Variants in FXYD6 observed in about 807,000 individuals in gnomAD.
FXYD6 encodes the protein FXYD domain containing ion transport regulator 6, also known as FXYD domain-containing ion transport regulator 6.
In FXYD6, 7 loss-of-function variants were observed where a neutral mutation model predicts 16.7. That is an observed-to-expected ratio of 0.42 (90% CI 0.24 to 0.79). The LOEUF is 0.79. FXYD6 is among the 30% of genes least tolerant of loss of function. The pLI, the probability that FXYD6 is intolerant of heterozygous loss-of-function variation, is 0.28. For missense variants in FXYD6, 111 were observed against 116.2 expected (o/e 0.95, Z 0.21); for synonymous variants, 49 against 43.0 (o/e 1.14, Z -0.54).
At chr11:117,839,524 G>A (rs2056285901) in intron 7 of FXYD6, 4 of 477,604 alleles carry the variant, frequency 8.4e-6, no homozygotes, top group Non-Finnish European at 1.5e-5. Context: ...GACGCCCTAT[G>A]CACTCGGCCA....
At chr11:117,838,575 A>G (rs1042184566) in intron 7 of FXYD6, 17 of 327,932 alleles carry the variant, frequency 5.2e-5, no homozygotes, top group African/African-American at 1.1e-4. Flanking sequence ...CTAGTTTGGG[A>G]AAAAAAAAAT....
At chr11:117,840,500 A>G in intron 5 of FXYD6, 132 bp from the exon 6 acceptor site, 1 of 1,241,778 alleles carries the variant, frequency 8.1e-7, no homozygotes, top group Non-Finnish European at 1.1e-6. Context: ...GCTGGAGCTC[A>G]CTCTGCTGTG....
intron 1 of FXYD6, among the ~76,000 whole-genome samples, chr11:117,847,362 TTTTTA>T (rs1286557928): frequency 6.6e-6 from 1 of 152,178 alleles, no homozygotes; most frequent in South Asian, 2.1e-4. Context: ...AAAATTATAG[TTTTTA>T]TTTTATTTTA....
intron 1 of FXYD6, among the ~76,000 whole-genome samples, chr11:117,863,708 A>C (rs1343862012): frequency 1.3e-5 from 2 of 152,242 alleles, no homozygotes; most frequent in Non-Finnish European, 2.9e-5. Context: ...CATCTTATAC[A>C]TAGAAAACCC....
chr11:117,849,104 T>A (rs1347401595), intron 1 of FXYD6, among the ~76,000 whole-genome samples: 1 of 152,240 alleles, frequency 6.6e-6, no homozygotes, highest in Non-Finnish European at 1.5e-5. Context: ...ATGTTCCCTC[T>A]AAGTGCTTTT....
chr11:117,869,414 G>C (rs536521048), intron 1 of FXYD6, among the ~76,000 whole-genome samples: 1 of 152,180 alleles, frequency 6.6e-6, no homozygotes, highest in East Asian at 1.9e-4. Flanking sequence ...GTAGCCCAAC[G>C]GCTCGAATGC....
intron 1 of FXYD6, among the ~76,000 whole-genome samples, chr11:117,875,786 G>A (rs1210049153): frequency 6.6e-6 from 1 of 152,154 alleles, no homozygotes; most frequent in African/African-American, 2.4e-5. Flanking sequence ...TGTTTCCAGC[G>A]AGGCTGCTCC....
intron 1 of FXYD6, among the ~76,000 whole-genome samples, chr11:117,853,247 ACTTT>A (rs2056647365): frequency 6.6e-6 from 1 of 152,226 alleles, no homozygotes; most frequent in African/African-American, 2.4e-5. Context: ...AAAATGGGAC[ACTTT>A]CTTTCAGAGA....
intron 1 of FXYD6, among the ~76,000 whole-genome samples, chr11:117,847,608 G>A (rs966508326): frequency 1.4e-5 from 2 of 147,508 alleles, no homozygotes; most frequent in Non-Finnish European, 3.0e-5. Flanking sequence ...GTGAGAACAT[G>A]CGGTGTTTGG....
At chr11:117,850,703 G>A (rs1003642516) in intron 1 of FXYD6, among the ~76,000 whole-genome samples, 1 of 151,562 alleles carries the variant, frequency 6.6e-6, no homozygotes. Flanking sequence ...ATGTTACGTA[G>A]GCTGGTCTCG....
intron 1 of FXYD6, among the ~76,000 whole-genome samples, chr11:117,860,967 T>C (rs1333356558): frequency 6.6e-6 from 1 of 152,170 alleles, no homozygotes; most frequent in Non-Finnish European, 1.5e-5. Flanking sequence ...CTAGATTCAA[T>C]CCCAAGCAAC....
At chr11:117,875,699 A>T (rs1276505950) in intron 1 of FXYD6, among the ~76,000 whole-genome samples, 1 of 152,294 alleles carries the variant, frequency 6.6e-6, no homozygotes, top group South Asian at 2.1e-4. Context: ...GGCAGAGAGC[A>T]CACTGGTGGG....
intron 1 of FXYD6, among the ~76,000 whole-genome samples, chr11:117,867,241 C>T (rs1295887180): frequency 2.6e-5 from 4 of 152,338 alleles, no homozygotes; most frequent in African/African-American, 9.6e-5. Flanking sequence ...GCACTTCACT[C>T]ATCACTGAGG....
intron 1 of FXYD6, among the ~76,000 whole-genome samples, chr11:117,859,772 G>A (rs1235566700): frequency 6.6e-6 from 1 of 152,162 alleles, no homozygotes; most frequent in Admixed American, 6.5e-5. Context: ...TAAGGTCTTA[G>A]GAATATAAAG....
chr11:117,863,961 C>A (rs749442887), intron 1 of FXYD6, among the ~76,000 whole-genome samples: 17 of 151,908 alleles, frequency 1.1e-4, no homozygotes, highest in Non-Finnish European at 2.5e-4. Context: ...TGTAAATAAA[C>A]GGAAAAAATA....
Position 117,841,031 on chromosome 11 carries a change from C to T in FXYD6, c.209+117G>A, listed in dbSNP as rs116404564. 1.2e-3 allele frequency: 1,567 copies of T among 1,347,428 alleles called. 9 individuals are homozygous for T. In the African/African-American group the frequency reaches 0.014, roughly 12 times the overall value. The allele number at this position is 1,347,428 out of a possible 1,614,324, so 83.5% of individuals were successfully genotyped here. A position where few individuals can be genotyped will look rare whatever the true frequency, so the allele number is the denominator to read the frequency against. On this transcript the variant is annotated intron_variant, in intron 5 of 7. Transcript: ENST00000526014. ...TTCCAGCCCTACGTCCCAACACACACGTTCTGCCTCCGAGACAAGAATCCA... is the reference window on the plus strand; with the variant it reads ...TTCCAGCCCTACGTCCCAACACACATGTTCTGCCTCCGAGACAAGAATCCA...
At chr11:117,873,858 A>G (rs2057194354) in intron 1 of FXYD6, among the ~76,000 whole-genome samples, 1 of 152,132 alleles carries the variant, frequency 6.6e-6, no homozygotes, top group African/African-American at 2.4e-5. Flanking sequence ...CCAAGAAAAC[A>G]TAGTGAAGCA....
At chr11:117,873,305 T>C (rs1194049704) in intron 1 of FXYD6, among the ~76,000 whole-genome samples, 1 of 152,196 alleles carries the variant, frequency 6.6e-6, no homozygotes, top group South Asian at 2.1e-4. Flanking sequence ...TCTTTCAAGA[T>C]TGTATAATCC....
chr11:117,842,222 G>A (rs563392914), intron 2 of FXYD6, 194 bp from the exon 3 acceptor site: 48 of 700,036 alleles, frequency 6.9e-5, no homozygotes, highest in Non-Finnish European at 9.6e-5. Flanking sequence ...AAGGGCCGAG[G>A]TCAGTGAAGG....
Sources: allele counts gnomAD v4.1 joint callset (sites outside exome capture counted in the v4.1 genomes callset), GRCh38; gene constraint gnomAD v4.1.1; transcripts MANE v1.5; gene names NCBI Gene and HGNC (gene_info 2026-07-23, HGNC 2026-07-21).